The following KCNAB1 variants were observed in gnomAD, a reference collection of about 807,000 sequenced individuals.
KCNAB1 encodes the protein potassium voltage-gated channel subfamily A regulatory beta subunit 1.
A neutral mutation model predicts 64.6 loss-of-function variants in KCNAB1; 35 were observed. That is an observed-to-expected ratio of 0.54 (90% CI 0.41 to 0.72). The LOEUF is 0.72. Among genes scored for constraint, KCNAB1 ranks in the 30% least tolerant of loss-of-function variants. The pLI is 0.00. For synonymous variants in KCNAB1, 177 were observed against 183.8 expected (o/e 0.96, Z 0.30); for missense variants, 401 against 512.9 (o/e 0.78, Z 2.11).
intron 1 of KCNAB1, among the ~76,000 whole-genome samples, chr3:156,284,087 C>T (rs1283507665): frequency 6.6e-6 from 1 of 152,128 alleles, no homozygotes; most frequent in Non-Finnish European, 1.5e-5. Context: ...TTTTCCCCAT[C>T]TTTGTGGTTT....
intron 1 of KCNAB1, among the ~76,000 whole-genome samples, chr3:156,360,843 C>T (rs1029878868): frequency 2.0e-5 from 3 of 152,084 alleles, no homozygotes; most frequent in Non-Finnish European, 4.4e-5. Context: ...AAAATGTATC[C>T]GAATTCCAGC....
chr3:156,294,346 C>G (rs897912788), intron 1 of KCNAB1, among the ~76,000 whole-genome samples: 3 of 152,156 alleles, frequency 2.0e-5, no homozygotes, highest in African/African-American at 7.2e-5. Flanking sequence ...CCAAGCCACT[C>G]TATCTGTAAC....
chr3:156,521,160 A>G (rs1416029454), intron 11 of KCNAB1, among the ~76,000 whole-genome samples: 3 of 152,272 alleles, frequency 2.0e-5, no homozygotes. Flanking sequence ...TTTAATGAGT[A>G]TACCCAGACT....
intron 8 of KCNAB1, among the ~76,000 whole-genome samples, chr3:156,483,453 A>T (rs1714977482): frequency 6.6e-6 from 1 of 151,940 alleles, no homozygotes; most frequent in Non-Finnish European, 1.5e-5. Context: ...TGTCAATATC[A>T]CCTCTTTCCA....
chr3:156,415,587 G>T (rs1206872113), intron 1 of KCNAB1, among the ~76,000 whole-genome samples: 1 of 152,114 alleles, frequency 6.6e-6, no homozygotes, highest in African/African-American at 2.4e-5. Context: ...CTATCTCATG[G>T]CAGACTTCAA....
intron 1 of KCNAB1, among the ~76,000 whole-genome samples, chr3:156,308,667 C>T (rs1721677697): frequency 6.6e-6 from 1 of 152,156 alleles, no homozygotes; most frequent in South Asian, 2.1e-4. Context: ...TGATGCTGGC[C>T]AAGCTTTTCA....
chr3:156,456,665 T>C (rs1300073304), intron 3 of KCNAB1, among the ~76,000 whole-genome samples: 1 of 152,214 alleles, frequency 6.6e-6, no homozygotes, highest in African/African-American at 2.4e-5. Context: ...ATTAAAATTA[T>C]TTGTGAGGTG....
intron 13 of KCNAB1, among the ~76,000 whole-genome samples, chr3:156,532,759 G>C (rs988173846): frequency 6.6e-6 from 1 of 152,160 alleles, no homozygotes; most frequent in Non-Finnish European, 1.5e-5. Context: ...CTGTAGCTAC[G>C]TGAGGAATTC....
At chr3:156,319,072 A>C (rs1722483721) in intron 1 of KCNAB1, among the ~76,000 whole-genome samples, 1 of 152,244 alleles carries the variant, frequency 6.6e-6, no homozygotes, top group Non-Finnish European at 1.5e-5. Context: ...TTCCTTTATA[A>C]GATTTCAAAG....
chr3:156,280,933 T>C (rs1309610718), intron 1 of KCNAB1, among the ~76,000 whole-genome samples: 1 of 148,600 alleles, frequency 6.7e-6, no homozygotes, highest in Admixed American at 6.7e-5. Context: ...GACTTCCTCT[T>C]TTCCTAATTG....
chr3:156,278,837 A>C (rs1719511165), intron 1 of KCNAB1, among the ~76,000 whole-genome samples: 1 of 152,202 alleles, frequency 6.6e-6, no homozygotes, highest in Admixed American at 6.5e-5. Context: ...CTACATCATC[A>C]ACACAAAGGA....
intron 1 of KCNAB1, among the ~76,000 whole-genome samples, chr3:156,289,735 T>C (rs1720291583): frequency 6.6e-6 from 1 of 152,264 alleles, no homozygotes; most frequent in Admixed American, 6.5e-5. Flanking sequence ...GATTTAAATC[T>C]TATCTGCAGG....
chr3:156,272,606 T>C (rs1011900154), intron 1 of KCNAB1, among the ~76,000 whole-genome samples: 1 of 151,960 alleles, frequency 6.6e-6, no homozygotes, highest in East Asian at 1.9e-4. Flanking sequence ...TTCATAGCAA[T>C]GAGTTCTCCT....
At chr3:156,347,666 G>A (rs921713780) in intron 1 of KCNAB1, among the ~76,000 whole-genome samples, 7 of 152,196 alleles carry the variant, frequency 4.6e-5, no homozygotes, top group African/African-American at 1.7e-4. Context: ...TTGTTTGATA[G>A]ACTCACATTT....
intron 2 of KCNAB1, among the ~76,000 whole-genome samples, chr3:156,450,069 T>A (rs1344605315): frequency 3.3e-5 from 5 of 152,224 alleles, no homozygotes; most frequent in Non-Finnish European, 5.9e-5. Context: ...AATAGCCAAT[T>A]AGTGGTATTA....
chr3:156,187,608 C>A (rs1029433503), intron 1 of KCNAB1, among the ~76,000 whole-genome samples: 4 of 152,222 alleles, frequency 2.6e-5, no homozygotes, highest in Admixed American at 2.6e-4. Flanking sequence ...ACTGTGCCCT[C>A]TGTGCATCTG....
intron 1 of KCNAB1, among the ~76,000 whole-genome samples, chr3:156,371,174 C>G (rs543878016): frequency 9.9e-5 from 15 of 152,144 alleles, no homozygotes; most frequent in Non-Finnish European, 1.5e-4. Context: ...TTTTAGGTGT[C>G]TTTCCCCTAC....
At chr3:156,184,699 T>C (rs901099338) in intron 1 of KCNAB1, among the ~76,000 whole-genome samples, 8 of 152,192 alleles carry the variant, frequency 5.3e-5, no homozygotes, top group African/African-American at 1.7e-4. Flanking sequence ...CCTAGGACCA[T>C]CAAAATATCT....
At chr3:156,330,187 A>G (rs1225033068) in intron 1 of KCNAB1, among the ~76,000 whole-genome samples, 2 of 152,172 alleles carry the variant, frequency 1.3e-5, no homozygotes, top group Non-Finnish European at 2.9e-5. Context: ...TGGACTTTCT[A>G]TGGCTTATGA....
Sources: allele counts gnomAD v4.1 joint callset (sites outside exome capture counted in the v4.1 genomes callset), GRCh38; gene constraint gnomAD v4.1.1; transcripts MANE v1.5; gene names NCBI Gene and HGNC (gene_info 2026-07-23, HGNC 2026-07-21).